GNAS: variants seen among roughly 807,000 people sequenced by gnomAD.
GNAS encodes GNAS complex locus, also known as protein ALEX.
GNAS carries 8 observed loss-of-function variants against 54.5 expected under a neutral mutation model. That is an observed-to-expected ratio of 0.15 (90% CI 0.09 to 0.26). The LOEUF (loss-of-function observed/expected upper bound fraction) is 0.26, where lower values mean the gene tolerates loss of function less well. Ranked by LOEUF, GNAS falls within the 10% of genes least tolerant of loss-of-function variation. GNAS has a pLI of 1.00. For synonymous variants in GNAS, 204 were observed against 191.4 expected, an observed-to-expected ratio of 1.07 and a Z score of -0.54; for missense variants, 170 against 529.8, an observed-to-expected ratio of 0.32 and a Z score of 6.67.
At chr20:58,855,867 C>T in intron 1 of GNAS, 2 of 551,284 alleles carry the variant, frequency 3.6e-6, no homozygotes, top group Non-Finnish European at 6.4e-6. Flanking sequence ...ATCCCGGCAC[C>T]CCCAAATTAC....
Position 58,854,039 on chromosome 20 carries a change from C to G in GNAS, c.43+13153C>G, listed in dbSNP as rs762737117. ...ACGGCAGCAGCCAGTTCGCGGCAGT[C>G]GCGGCCTCGAGTGCGGTCCGCCTCA... On this transcript the variant is annotated intron_variant, in intron 1 of 12. Coordinates refer to the GNAS transcript ENST00000306090. 25 of 1,610,800 alleles carry G rather than the reference C, an allele frequency of 1.6e-5. No homozygotes were observed. The highest frequency in any genetic ancestry group is 1.2e-4 in the African/African-American group (9 of 74,930).
intron 1 of GNAS, chr20:58,842,033 G>A (rs566522944): frequency 4.1e-5 from 27 of 659,832 alleles, no homozygotes; most frequent in Non-Finnish European, 5.6e-5. Context: ...AGGAGGCAGG[G>A]GCCGGCGGCT....
intron 1 of GNAS, among the ~76,000 whole-genome samples, chr20:58,870,496 G>C (rs1162787314): frequency 6.6e-6 from 1 of 152,336 alleles, no homozygotes; most frequent in Non-Finnish European, 1.5e-5. Flanking sequence ...GGCTGGGTCT[G>C]CTCTCAGAAA....
intron 1 of GNAS, among the ~76,000 whole-genome samples, chr20:58,865,571 C>T (rs2087016631): frequency 6.8e-6 from 1 of 147,904 alleles, no homozygotes; most frequent in African/African-American, 2.5e-5. Context: ...AAAAGTTTGT[C>T]CACTGCAGTT....
intron 1 of GNAS, chr20:58,854,466 G>T: frequency 1.3e-6 from 2 of 1,582,834 alleles, no homozygotes; most frequent in East Asian, 4.7e-5. Flanking sequence ...AGCCCCAGCC[G>T]ATCCTGACTC....
Position 58,856,576 on chromosome 20 carries a change from A to G in GNAS, c.43+15690A>G, listed in dbSNP as rs1398852822. On this transcript the variant is annotated intron_variant, in intron 1 of 12. Transcript: ENST00000306090. The surrounding 1 kb of genome is among the most constrained non-coding windows in gnomAD (Gnocchi z 4.2). ...CTGAGTGTATTTGAAGTGTGTGGAC[A>G]AAGTATGGCAAAACCGTGAATATGA... The G allele has an allele frequency of 2.0e-5, 3 of 152,444 alleles. No individual in the cohort carries two copies. The East Asian group carries it at 5.8e-4, about 29-fold the overall frequency. 9.4% of individuals were successfully genotyped at this position (152,444 alleles called of 1,614,324 possible).
intron 1 of GNAS, among the ~76,000 whole-genome samples, chr20:58,886,360 G>A (rs1466421675): frequency 1.3e-5 from 2 of 152,194 alleles, no homozygotes; most frequent in African/African-American, 4.8e-5. Context: ...TCAACTGGCT[G>A]GCTTGGGCAT....
intron 1 of GNAS, among the ~76,000 whole-genome samples, chr20:58,849,272 A>G (rs1006953049): frequency 6.6e-6 from 1 of 152,170 alleles, no homozygotes; most frequent in Non-Finnish European, 1.5e-5. Context: ...CCAAGTCTAG[A>G]TGAGATGTGC....
chr20:58,891,368 G>C, upstream of GNAS: 1 of 170,642 alleles, frequency 5.9e-6, no homozygotes, highest in Non-Finnish European at 1.1e-5. Context: ...GGCTCGGGGC[G>C]GCGGCGGGGG....
intron 1 of GNAS, among the ~76,000 whole-genome samples, chr20:58,877,575 A>T (rs1250860098): frequency 2.6e-5 from 4 of 152,200 alleles, no homozygotes; most frequent in African/African-American, 4.8e-5. Flanking sequence ...GTTGAAATGG[A>T]CACTTAAGGG....
At chr20:58,908,486 G>C (rs1479832218) in intron 6 of GNAS, among the ~76,000 whole-genome samples, 2 of 151,842 alleles carry the variant, frequency 1.3e-5, no homozygotes, top group East Asian at 1.9e-4. Flanking sequence ...TTCTTAAAAA[G>C]TAAAAAGGAA....
intron 1 of GNAS, chr20:58,854,138 T>G: frequency 1.1e-5 from 17 of 1,612,418 alleles, no homozygotes; most frequent in Non-Finnish European, 1.3e-5. Context: ...CTGTCAGACC[T>G]CCTTCTAACT....
rs183228817 is a variant in GNAS, at chr20:58,856,002, G to A, written c.43+15116G>A. On this transcript the variant is annotated intron_variant, in intron 1 of 12. Coordinates refer to the GNAS transcript ENST00000306090. This position sits in a 1 kb window ranked among gnomAD's most constrained non-coding sequence, Gnocchi z 4.2. ...GCGCCCGGGCGCTCTGCGGCAAGCGGTGCGGAGGACACGCGGGGAAGGTGG... is the reference window on the plus strand; with the variant it reads ...GCGCCCGGGCGCTCTGCGGCAAGCGATGCGGAGGACACGCGGGGAAGGTGG... 521 of 239,448 alleles carry A rather than the reference G, an allele frequency of 2.2e-3. No individual in the cohort carries two copies. The highest frequency in any genetic ancestry group is 3.3e-3 in the Non-Finnish European group (408 of 122,752). 14.8% of individuals were successfully genotyped at this position (239,448 alleles called of 1,614,324 possible).
upstream of GNAS, chr20:58,891,356 T>G: frequency 6.7e-6 from 1 of 148,346 alleles, no homozygotes; most frequent in Non-Finnish European, 1.4e-5. Context: ...CGCGGCGCTT[T>G]TGGCTCGGGG....
intron 1 of GNAS, among the ~76,000 whole-genome samples, chr20:58,870,757 C>A (rs994684700): frequency 5.3e-5 from 8 of 152,200 alleles, no homozygotes; most frequent in African/African-American, 1.9e-4. Context: ...TTAGAGGGAA[C>A]CACACCCTCT....
At chr20:58,866,442 C>T (rs1211408809) in intron 1 of GNAS, among the ~76,000 whole-genome samples, 1 of 152,130 alleles carries the variant, frequency 6.6e-6, no homozygotes, top group Non-Finnish European at 1.5e-5. Flanking sequence ...GTGGACACCC[C>T]CTTCTCCATC....
chr20:58,876,411 C>T (rs2087822445), intron 1 of GNAS, among the ~76,000 whole-genome samples: 1 of 151,830 alleles, frequency 6.6e-6, no homozygotes, highest in Non-Finnish European at 1.5e-5. Context: ...TTTTTAATGT[C>T]ACCCACCTGA....
At chr20:58,889,751 G>C, upstream of GNAS, among the ~76,000 whole-genome samples, 1 of 150,302 alleles carries the variant, frequency 6.7e-6, no homozygotes, top group East Asian at 2.0e-4. Context: ...GCGGCCCCGG[G>C]GCAGCGCGGC....
rs185268716 is a variant in GNAS, at chr20:58,902,769, T to C, written c.258-762T>C. Among the ~76,000 whole-genome samples, 4 of 116,210 alleles carry C rather than the reference T, an allele frequency of 3.4e-5. No homozygotes were observed. In the East Asian group the frequency reaches 1.2e-3, roughly 35 times the overall value. 76.2% of individuals were successfully genotyped at this position (116,210 alleles called of 152,430 possible). A position where few individuals can be genotyped will look rare whatever the true frequency, so the allele number is the denominator to read the frequency against. ...TTTTTTTTTTGACAGAGTCTCACTC[T>C]CGCCCTGGCTGGAGTGCAGTGGTGC... On this transcript the variant is annotated intron_variant, in intron 3 of 12. Coordinates refer to ENST00000371085, the MANE Select transcript of GNAS (RefSeq NM_000516.7).
Sources: gnomAD v4.1 joint callset for allele counts (sites outside exome capture counted in the v4.1 genomes callset) on GRCh38, gnomAD v4.1.1 for gene constraint, Gnocchi (gnomAD v3.1) non-coding constraint, MANE v1.5 for transcripts, NCBI Gene and HGNC (gene_info 2026-07-23, HGNC 2026-07-21) for gene names.